C12orf42: variants seen among roughly 807,000 people sequenced by gnomAD.
The protein encoded by C12orf42 is chromosome 12 open reading frame 42.
Under a neutral mutation model 21.6 loss-of-function variants are expected in C12orf42, and 25 were observed. That is an observed-to-expected ratio of 1.16 (90% CI 0.84 to 1.62). C12orf42 has a LOEUF of 1.62. Among genes scored for constraint, C12orf42 ranks in the 40% most tolerant of loss-of-function variants. The pLI, the probability that C12orf42 is intolerant of heterozygous loss-of-function variation, is 0.00. For synonymous variants in C12orf42, 174 were observed against 175.0 expected (o/e 0.99, Z 0.05); for missense variants, 483 against 459.3 (o/e 1.05, Z -0.47).
At chr12:103,368,071 C>T (rs1242466013) in intron 4 of C12orf42, 1 of 1,284,912 alleles carries the variant, frequency 7.8e-7, no homozygotes, top group African/African-American at 1.5e-5. Context: ...TGGACAGGCA[C>T]ATTTAAATAT....
At chr12:103,483,922 T>C (rs997031497) in intron 1 of C12orf42, among the ~76,000 whole-genome samples, 1 of 152,240 alleles carries the variant, frequency 6.6e-6, no homozygotes, top group Non-Finnish European at 1.5e-5. Flanking sequence ...TTTGGTTTTC[T>C]GTCCTTGTGA....
At chr12:103,280,233 G>A (rs1344579515) in intron 4 of C12orf42, among the ~76,000 whole-genome samples, 1 of 152,198 alleles carries the variant, frequency 6.6e-6, no homozygotes, top group African/African-American at 2.4e-5. Flanking sequence ...CATATAGATT[G>A]TAGTAGTGGA....
At chr12:103,376,878 T>A (rs1198610235) in intron 3 of C12orf42, among the ~76,000 whole-genome samples, 2 of 152,018 alleles carry the variant, frequency 1.3e-5, no homozygotes, top group Non-Finnish European at 2.9e-5. Flanking sequence ...CCCTCTGTGT[T>A]CTCATTCTCT....
At chr12:103,130,175 A>T in the C12orf42 span, among the ~76,000 whole-genome samples, 1 of 151,962 alleles carries the variant, frequency 6.6e-6, no homozygotes, top group African/African-American at 2.4e-5. Context: ...AATATGTCTC[A>T]TCTGATTAGC....
chr12:103,517,791 T>C, the C12orf42 span, among the ~76,000 whole-genome samples: 2 of 152,188 alleles, frequency 1.3e-5, no homozygotes, highest in African/African-American at 4.8e-5. Flanking sequence ...TGATGGCTTT[T>C]AGCAAGGCGC....
At chr12:103,109,758 C>T in the C12orf42 span, among the ~76,000 whole-genome samples, 10 of 151,478 alleles carry the variant, frequency 6.6e-5, no homozygotes, top group Admixed American at 2.0e-4. Flanking sequence ...AAAGAGAAGC[C>T]ACAGATTTTT....
the C12orf42 span, among the ~76,000 whole-genome samples, chr12:103,184,430 A>G: frequency 3.9e-5 from 6 of 152,122 alleles, no homozygotes; most frequent in Non-Finnish European, 8.8e-5. Context: ...TAACCTACCT[A>G]TGTCATTGAG....
At chr12:103,117,740 G>C in the C12orf42 span, among the ~76,000 whole-genome samples, 8 of 152,182 alleles carry the variant, frequency 5.3e-5, no homozygotes, top group Non-Finnish European at 1.0e-4. Flanking sequence ...GGAGGGTAGA[G>C]GTGAAGATGA....
the C12orf42 span, among the ~76,000 whole-genome samples, chr12:103,219,763 A>G: frequency 2.0e-5 from 3 of 152,360 alleles, no homozygotes; most frequent in East Asian, 5.8e-4. Flanking sequence ...AGGAAAAAAC[A>G]GATGCTGGCA....
intron 3 of C12orf42, chr12:103,397,716 C>T (rs1430572765): frequency 6.6e-6 from 1 of 152,062 alleles, no homozygotes; most frequent in African/African-American, 2.4e-5. Flanking sequence ...ATTGTTGAGT[C>T]AAATTTGTTT....
At chr12:103,151,058 G>T in the C12orf42 span, among the ~76,000 whole-genome samples, 1 of 152,126 alleles carries the variant, frequency 6.6e-6, no homozygotes, top group Non-Finnish European at 1.5e-5. Flanking sequence ...ACCCTGAGTA[G>T]CTGGGATTAG....
chr12:103,160,136 GA>G, the C12orf42 span, among the ~76,000 whole-genome samples: 1 of 152,010 alleles, frequency 6.6e-6, no homozygotes, highest in African/African-American at 2.4e-5. Flanking sequence ...AATTCTGTGA[GA>G]AAAAAAGTCA....
the C12orf42 span, among the ~76,000 whole-genome samples, chr12:103,143,398 C>T: frequency 1.3e-5 from 2 of 152,188 alleles, no homozygotes; most frequent in African/African-American, 4.8e-5. Flanking sequence ...AGTTTATCTT[C>T]GGTAGCATTC....
intron 1 of C12orf42, among the ~76,000 whole-genome samples, chr12:103,479,201 G>C (rs140885792): frequency 9.5e-4 from 144 of 152,192 alleles, no homozygotes; most frequent in African/African-American, 3.3e-3. Context: ...AAAGATCTCA[G>C]AATAGAAAGA....
chr12:103,333,228 A>G (rs2137084001), intron 4 of C12orf42, among the ~76,000 whole-genome samples: 1 of 152,264 alleles, frequency 6.6e-6, no homozygotes, highest in Non-Finnish European at 1.5e-5. Flanking sequence ...CTAGTTTTGA[A>G]TTGCTTCTCC....
chr12:103,263,978 C>T (rs557755451), downstream of C12orf42, among the ~76,000 whole-genome samples: 2 of 152,140 alleles, frequency 1.3e-5, no homozygotes, highest in African/African-American at 2.4e-5. Flanking sequence ...CCATCCTCTA[C>T]CATTGGACCT....
chr12:103,336,767 C>T (rs1430212208), intron 4 of C12orf42, among the ~76,000 whole-genome samples: 2 of 152,114 alleles, frequency 1.3e-5, no homozygotes, highest in Non-Finnish European at 2.9e-5. Flanking sequence ...ACTCATCAAA[C>T]ACTAAAAATG....
At chr12:103,547,793 C>T in the C12orf42 span, 1 of 152,226 alleles carries the variant, frequency 6.6e-6, no homozygotes, top group Non-Finnish European at 1.5e-5. Flanking sequence ...TGTGACAACA[C>T]AGGTCTCTAA....
At chr12:103,281,963 G>GAAAGAAAGAAAGAA (rs1346037433) in intron 4 of C12orf42, among the ~76,000 whole-genome samples, 1 of 148,906 alleles carries the variant, frequency 6.7e-6, no homozygotes, top group African/African-American at 2.5e-5. Flanking sequence ...AAGAAAGAAA[G>GAAAGAAAGAAAGAA]AGATCGATCC....
Sources: gnomAD v4.1 joint callset for allele counts (sites outside exome capture counted in the v4.1 genomes callset) on GRCh38, gnomAD v4.1.1 for gene constraint, MANE v1.5 for transcripts, NCBI Gene and HGNC (gene_info 2026-07-23, HGNC 2026-07-21) for gene names.